The following AGAP1 variants were observed in gnomAD, a reference collection of about 807,000 sequenced individuals.
AGAP1 encodes arf-GAP with GTPase, ANK repeat and PH domain-containing protein 1.
In AGAP1, 29 loss-of-function variants were observed where a neutral mutation model predicts 105.3. That is an observed-to-expected ratio of 0.28 (90% CI 0.21 to 0.38). AGAP1 has a LOEUF of 0.38. Ranked by LOEUF, AGAP1 falls within the 10% of genes least tolerant of loss-of-function variation. The pLI, the probability that AGAP1 is intolerant of heterozygous loss-of-function variation, is 1.00. For missense variants in AGAP1, 998 were observed against 1,165.1 expected, an observed-to-expected ratio of 0.86 and a Z score of 2.09; for synonymous variants, 509 against 485.9, an observed-to-expected ratio of 1.05 and a Z score of -0.63.
At position 235,720,344 on chromosome 2, in the gene AGAP1, TG is replaced by T. The variant is rs1170300522; in HGVS notation, c.310+2703del. Among the ~76,000 whole-genome samples, 3 of 152,018 alleles carry T rather than the reference TG, an allele frequency of 2.0e-5. No homozygotes were observed. Among genetic ancestry groups the T allele is most frequent in the Non-Finnish European group, 2.9e-5 (2 of 68,034 alleles). ...GGATATAATTTACTGTGTTGTCACC[TG>T]GGTGTGTGGAGACTATCAAAGGGAT... On this transcript the variant is annotated intron_variant, in intron 3 of 17. Coordinates refer to ENST00000304032, the MANE Select transcript of AGAP1 (RefSeq NM_001037131.3). This position sits in a 1 kb window ranked among gnomAD's most constrained non-coding sequence, Gnocchi z 5.0.
Position 235,659,472 on chromosome 2 carries a change from G to A in AGAP1, c.164-49707G>A, listed in dbSNP as rs1224389758. 1.3e-5 allele frequency among the ~76,000 whole-genome samples: 2 copies of A among 152,270 alleles called. No homozygotes were observed. Among genetic ancestry groups the A allele is most frequent in the Admixed American group, 1.3e-4 (2 of 15,288 alleles). Reference sequence around the variant, plus strand: ...CTTTTTCAAAATTTCCAACAACTGTGGCTTCTTGGGAAATCCTTTGGCAGT... The same window carrying A: ...CTTTTTCAAAATTTCCAACAACTGTAGCTTCTTGGGAAATCCTTTGGCAGT... On this transcript the variant is annotated intron_variant, in intron 1 of 17. Coordinates refer to ENST00000304032, the MANE Select transcript of AGAP1 (RefSeq NM_001037131.3). This position sits in a 1 kb window ranked among gnomAD's most constrained non-coding sequence, Gnocchi z 5.0.
chr2:235,937,230 C>T (rs902551959), intron 12 of AGAP1, among the ~76,000 whole-genome samples: 10 of 152,320 alleles, frequency 6.6e-5, no homozygotes, highest in Non-Finnish European at 1.2e-4. Flanking sequence ...GAGGGCTGCT[C>T]GGCTCGCCAG....
At position 235,962,220 on chromosome 2, in the gene AGAP1, C is replaced by G. The variant is rs1312999945; in HGVS notation, c.1484-6242C>G. ...ACAGAAGTGAGGTAGGATTGAAGGG[C>G]AGGCCAGAGGCCACTGAGGGGTACA... On this transcript the variant is annotated intron_variant, in intron 12 of 17. Coordinates refer to ENST00000304032, the MANE Select transcript of AGAP1 (RefSeq NM_001037131.3). This position sits in a 1 kb window ranked among gnomAD's most constrained non-coding sequence, Gnocchi z 5.3. Among the ~76,000 whole-genome samples the G allele has an allele frequency of 6.6e-6, 1 of 152,070 alleles. No homozygotes were observed. Among genetic ancestry groups the G allele is most frequent in the Non-Finnish European group, 1.5e-5 (1 of 68,028 alleles).
intron 1 of AGAP1, among the ~76,000 whole-genome samples, chr2:235,592,279 G>A (rs1945371284): frequency 6.6e-6 from 1 of 151,660 alleles, no homozygotes; most frequent in African/African-American, 2.4e-5. Flanking sequence ...CCACGCGCCA[G>A]AAGGAGGAGT....
intron 8 of AGAP1, among the ~76,000 whole-genome samples, chr2:235,803,108 T>TGTG (rs1419157048): frequency 7.6e-6 from 1 of 132,352 alleles, no homozygotes; most frequent in Non-Finnish European, 1.6e-5. Flanking sequence ...TGATGATGGT[T>TGTG]GTGATGGTGA....
In AGAP1 at chr2:235,908,826, C is replaced by T. The variant is rs759907843; in HGVS notation, c.1244C>T (p.Ser415Leu). 1.2e-6 allele frequency: 2 copies of T among 1,614,104 alleles called. No individual in the cohort carries two copies. The highest frequency in any genetic ancestry group is 1.1e-5 in the South Asian group (1 of 91,058). The change falls in exon 11 of 18, where the codon TCA becomes TTA. Residue 415 changes from serine (S) to leucine (L), a missense_variant. Ser to Leu is a moderately radical substitution (Grantham distance 145). Coordinates refer to ENST00000304032, the MANE Select transcript of AGAP1 (RefSeq NM_001037131.3). The surrounding 1 kb of genome is among the most constrained non-coding windows in gnomAD (Gnocchi z 4.4). ...VPGKRPPRATSACAPISSPKT... is the reference protein window; with the variant it reads ...VPGKRPPRATLACAPISSPKT... ...GGGAAGAGGCCACCCCGAGCCACGT[C>T]AGCCTGCGCACCCATCTCCAGCCCT...
At position 235,801,928 on chromosome 2, in the gene AGAP1, A is replaced by G. The variant is rs1957514732; in HGVS notation, c.957+2406A>G. ...AAATGAGACTATTTATAAGGAGAAT[A>G]CCAGCACCTTCCCATCCCCTCCCTT... On this transcript the variant is annotated intron_variant, in intron 8 of 17. Transcript: ENST00000304032. The surrounding 1 kb of genome is among the most constrained non-coding windows in gnomAD (Gnocchi z 6.0). 6.6e-6 allele frequency among the ~76,000 whole-genome samples: 1 copy of G among 152,132 alleles called. No homozygotes were observed. Among genetic ancestry groups the G allele is most frequent in the African/African-American group, 2.4e-5 (1 of 41,420 alleles).
intron 1 of AGAP1, among the ~76,000 whole-genome samples, chr2:235,525,646 AGAGGACTGACACATAATGTG>A (rs1942805471): frequency 7.5e-6 from 1 of 132,484 alleles, no homozygotes; most frequent in Non-Finnish European, 1.6e-5. Flanking sequence ...TTTATAAAGT[AGAGGACTGACACATAATGTG>A]GAGGACTGAT....
At position 235,636,617 on chromosome 2, in the gene AGAP1, C is replaced by T. The variant is rs1281277934; in HGVS notation, c.164-72562C>T. Among the ~76,000 whole-genome samples, 27 of 152,190 alleles carry T rather than the reference C, an allele frequency of 1.8e-4. 1 individual carries two copies. Among genetic ancestry groups the T allele is most frequent in the Admixed American group, 1.8e-3 (27 of 15,282 alleles). On this transcript the variant is annotated intron_variant, in intron 1 of 17. Transcript: ENST00000304032. ...TTCTGGACCCTCCACATCAGCATCC[C>T]ATGACATTGGGCTAGACTCACTGTT...
intron 6 of AGAP1, among the ~76,000 whole-genome samples, chr2:235,779,200 C>T (rs560896183): frequency 2.0e-5 from 3 of 152,234 alleles, no homozygotes; most frequent in South Asian, 4.1e-4. Context: ...CTAGAAGACT[C>T]GAGGGAGAAA....
intron 12 of AGAP1, among the ~76,000 whole-genome samples, chr2:235,949,532 G>T (rs2053641809): frequency 6.6e-6 from 1 of 152,122 alleles, no homozygotes; most frequent in Non-Finnish European, 1.5e-5. Flanking sequence ...CTTCACAACT[G>T]AACAGATCTG....
rs1053002438 is a variant in AGAP1, at chr2:235,908,982, C to T, written c.1324+76C>T. ...GTCCAGGCTCGAGGATAATGTTGGA[C>T]TCCTAGGTTAAGTGGAGACAGTAAC... On this transcript the variant is annotated intron_variant, in intron 11 of 17. Transcript: ENST00000304032. The surrounding 1 kb of genome is among the most constrained non-coding windows in gnomAD (Gnocchi z 4.4). The T allele has an allele frequency of 3.5e-6, 5 of 1,441,986 alleles. No individual in the cohort carries two copies. The Admixed American group carries it at 9.4e-5, about 27-fold the overall frequency. The allele number at this position is 1,441,986 out of a possible 1,614,324, so 89.3% of individuals were successfully genotyped here. A position where few individuals can be genotyped will look rare whatever the true frequency, so the allele number is the denominator to read the frequency against.
chr2:235,634,962 C>T (rs1307257876), intron 1 of AGAP1, among the ~76,000 whole-genome samples: 3 of 151,892 alleles, frequency 2.0e-5, no homozygotes, highest in Non-Finnish European at 2.9e-5. Flanking sequence ...TCCTCACCCT[C>T]AGCCTCCCCC....
intron 1 of AGAP1, among the ~76,000 whole-genome samples, chr2:235,606,121 G>C (rs1255327346): frequency 6.6e-6 from 1 of 152,164 alleles, no homozygotes. Context: ...TCCCAAGATC[G>C]GCCATTTCCC....
Position 235,979,713 on chromosome 2 carries a change from G to C in AGAP1, c.1645+11090G>C, listed in dbSNP as rs1277647831. On this transcript the variant is annotated intron_variant, in intron 13 of 17. Transcript: ENST00000304032. This position sits in a 1 kb window ranked among gnomAD's most constrained non-coding sequence, Gnocchi z 4.5. ...ATTTGTCTGTGGGGTAATGGGCTTT[G>C]CTGCAATATGAAAATCTATCAAATG... Among the ~76,000 whole-genome samples, 1 of 152,184 alleles carries C rather than the reference G, an allele frequency of 6.6e-6. No homozygotes were observed. The highest frequency in any genetic ancestry group is 1.9e-4 in the East Asian group (1 of 5,196).
intron 10 of AGAP1, among the ~76,000 whole-genome samples, chr2:235,884,537 G>A (rs1364997599): frequency 4.2e-5 from 6 of 143,636 alleles, no homozygotes; most frequent in Admixed American, 3.6e-4. Flanking sequence ...TGCAACCTCT[G>A]CCTCCTGGGT....
At position 235,959,047 on chromosome 2, in the gene AGAP1, G is replaced by C. The variant is rs2125302610; in HGVS notation, c.1484-9415G>C. 1.3e-5 allele frequency among the ~76,000 whole-genome samples: 2 copies of C among 152,336 alleles called. No homozygotes were observed. Among genetic ancestry groups the C allele is most frequent in the African/African-American group, 4.8e-5 (2 of 41,590 alleles). ...GCCCATCCCGGCTCAGCGCCGCGCA[G>C]CTCGGGACCCCAGTCCCTCCGTCAG... On this transcript the variant is annotated intron_variant, in intron 12 of 17. Transcript: ENST00000304032. This position sits in a 1 kb window ranked among gnomAD's most constrained non-coding sequence, Gnocchi z 7.3.
chr2:235,876,489 C>T (rs139610905), intron 9 of AGAP1, among the ~76,000 whole-genome samples: 418 of 152,334 alleles, frequency 2.7e-3, no homozygotes, highest in Non-Finnish European at 4.3e-3. Context: ...CTCCGTCTCC[C>T]GGACTTCCTC....
At chr2:235,572,528 G>A (rs1944562787) in intron 1 of AGAP1, among the ~76,000 whole-genome samples, 2 of 152,098 alleles carry the variant, frequency 1.3e-5, no homozygotes, top group Non-Finnish European at 2.9e-5. Flanking sequence ...ATACCCCACA[G>A]GTCCTGCCAC....
Sources: gnomAD v4.1 joint callset for allele counts (sites outside exome capture counted in the v4.1 genomes callset) on GRCh38, gnomAD v4.1.1 for gene constraint, Gnocchi (gnomAD v3.1) non-coding constraint, MANE v1.5 for transcripts, NCBI Gene and HGNC (gene_info 2026-07-23, HGNC 2026-07-21) for gene names.